The following UBTD2 variants were observed in gnomAD, a reference collection of about 807,000 sequenced individuals.
UBTD2 encodes ubiquitin domain containing 2, also known as ubiquitin domain-containing protein 2.
Under a neutral mutation model 19.8 loss-of-function variants are expected in UBTD2, and 9 were observed. That is an observed-to-expected ratio of 0.46 (90% CI 0.27 to 0.79). The LOEUF is 0.79. UBTD2 is among the 30% of genes least tolerant of loss of function. The pLI is 0.14. For synonymous variants in UBTD2, 98 were observed against 103.9 expected (o/e 0.94, Z 0.35); for missense variants, 250 against 300.4 (o/e 0.83, Z 1.24).
At chr5:172,258,664 T>C (rs1434682395) in intron 1 of UBTD2, among the ~76,000 whole-genome samples, 4 of 152,198 alleles carry the variant, frequency 2.6e-5, no homozygotes, top group Admixed American at 6.5e-5. Flanking sequence ...GTTGTAGAGA[T>C]CTTTCACTTC....
chr5:172,279,093 T>C (rs1351372456), intron 1 of UBTD2, among the ~76,000 whole-genome samples: 1 of 152,116 alleles, frequency 6.6e-6, no homozygotes. Context: ...TGTCACAATT[T>C]AAAAAAAGTA....
intron 1 of UBTD2, among the ~76,000 whole-genome samples, chr5:172,275,470 T>C (rs967376764): frequency 3.9e-5 from 6 of 152,162 alleles, no homozygotes; most frequent in African/African-American, 1.4e-4. Flanking sequence ...CAGATTAGTT[T>C]CACAAGCAGA....
At position 172,244,295 on chromosome 5, in the gene UBTD2, G is replaced by GTTTGTTTTT. The variant is rs1214308760; in HGVS notation, c.71-9938_71-9937insAAAAACAAA. 4.8e-3 allele frequency among the ~76,000 whole-genome samples: 599 copies of GTTTGTTTTT among 125,970 alleles called. 26 individuals carry two copies. The highest frequency in any genetic ancestry group is 0.014 in the Admixed American group (164 of 11,858). 82.6% of individuals were successfully genotyped at this position (125,970 alleles called of 152,430 possible). A position where few individuals can be genotyped will look rare whatever the true frequency, so the allele number is the denominator to read the frequency against. On this transcript the variant is annotated intron_variant, in intron 1 of 2. Coordinates refer to ENST00000393792, the MANE Select transcript of UBTD2 (RefSeq NM_152277.3). ...CAAGACTGTTTCCCCTTTCCTCCCA[G>GTTTGTTTTT]TTTTTTTTTTTTTTTTTTGAGACAG...
chr5:172,266,974 G>GTTTT (rs1410064420), intron 1 of UBTD2, among the ~76,000 whole-genome samples: 1 of 148,528 alleles, frequency 6.7e-6, no homozygotes, highest in Non-Finnish European at 1.5e-5. Context: ...CCGCCCAGGA[G>GTTTT]TTTGAGACTG....
At chr5:172,279,894 G>C (rs1755674788) in intron 1 of UBTD2, among the ~76,000 whole-genome samples, 1 of 152,150 alleles carries the variant, frequency 6.6e-6, no homozygotes, top group Admixed American at 6.5e-5. Context: ...GTGAAGTCAG[G>C]AGTTCAAGAC....
intron 1 of UBTD2, among the ~76,000 whole-genome samples, chr5:172,234,887 G>A (rs1158973642): frequency 1.4e-5 from 1 of 70,206 alleles, no homozygotes; most frequent in Non-Finnish European, 2.9e-5. Flanking sequence ...CAGCCTGGGC[G>A]AGAGTGAAAC....
chr5:172,227,825 C>T (rs932486134), intron 2 of UBTD2, among the ~76,000 whole-genome samples: 4 of 149,762 alleles, frequency 2.7e-5, no homozygotes, highest in African/African-American at 9.8e-5. Flanking sequence ...GGATTACAGG[C>T]ACCCGCCACC....
chr5:172,228,710 G>T (rs1037139505), intron 2 of UBTD2, among the ~76,000 whole-genome samples: 1 of 151,806 alleles, frequency 6.6e-6, no homozygotes, highest in Admixed American at 6.6e-5. Flanking sequence ...GACAGAGCTA[G>T]ACTCCGTCTC....
chr5:172,257,105 C>T (rs529165824), intron 1 of UBTD2, among the ~76,000 whole-genome samples: 79 of 152,206 alleles, frequency 5.2e-4, no homozygotes, highest in African/African-American at 1.8e-3. Flanking sequence ...AAGCACAGTA[C>T]CCAGTAAGTA....
chr5:172,270,924 A>T (rs115845428), intron 1 of UBTD2, among the ~76,000 whole-genome samples: 5,888 of 152,268 alleles, frequency 0.039, 169 homozygotes, highest in Middle Eastern at 0.065. Flanking sequence ...TATCACCTAT[A>T]ATATAGTCTC....
intron 2 of UBTD2, among the ~76,000 whole-genome samples, chr5:172,227,446 T>G (rs1771792423): frequency 6.6e-6 from 1 of 152,160 alleles, no homozygotes; most frequent in Non-Finnish European, 1.5e-5. Context: ...CCTACAACAG[T>G]CCAGCAAAAA....
intron 1 of UBTD2, among the ~76,000 whole-genome samples, chr5:172,280,209 G>A (rs904133831): frequency 1.5e-5 from 2 of 136,628 alleles, no homozygotes; most frequent in Admixed American, 7.6e-5. Flanking sequence ...ATTAAAAGTA[G>A]GCATTAAAAA....
chr5:172,225,009 G>T (rs773966250), intron 2 of UBTD2, among the ~76,000 whole-genome samples: 49 of 152,078 alleles, frequency 3.2e-4, no homozygotes, highest in Admixed American at 1.2e-3. Context: ...AGTTCATTTA[G>T]CAATTACTAG....
chr5:172,273,834 C>T (rs1173386774), intron 1 of UBTD2, among the ~76,000 whole-genome samples: 1 of 152,116 alleles, frequency 6.6e-6, no homozygotes. Context: ...ATATTAGGTT[C>T]TCATACCTGC....
intron 2 of UBTD2, among the ~76,000 whole-genome samples, chr5:172,221,368 G>C (rs1771646519): frequency 6.6e-6 from 1 of 152,088 alleles, no homozygotes; most frequent in Non-Finnish European, 1.5e-5. Flanking sequence ...AGCCAGGCAT[G>C]GTGGTGCCTG....
intron 2 of UBTD2, among the ~76,000 whole-genome samples, chr5:172,228,300 T>A (rs978284896): frequency 3.3e-5 from 5 of 152,204 alleles, no homozygotes; most frequent in African/African-American, 1.2e-4. Context: ...AGACTTGAGT[T>A]CAAATCCCAA....
intron 1 of UBTD2, 22 bp from the exon 2 acceptor site, chr5:172,234,380 T>G: frequency 1.9e-6 from 3 of 1,604,206 alleles, no homozygotes; most frequent in South Asian, 1.1e-5. Flanking sequence ...AATAAAAGAC[T>G]GAGATCAAAC....
chr5:172,228,849 T>C (rs999377268), intron 2 of UBTD2, among the ~76,000 whole-genome samples: 1 of 152,196 alleles, frequency 6.6e-6, no homozygotes, highest in African/African-American at 2.4e-5. Flanking sequence ...TTTATACTAT[T>C]TGTAAGTGCC....
chr5:172,240,145 A>G (rs1350736304), intron 1 of UBTD2, among the ~76,000 whole-genome samples: 1 of 152,236 alleles, frequency 6.6e-6, no homozygotes, highest in Non-Finnish European at 1.5e-5. Flanking sequence ...GAGAAGCAGC[A>G]GCTCCCTAGC....
Sources: gnomAD v4.1 joint callset for allele counts (sites outside exome capture counted in the v4.1 genomes callset) on GRCh38, gnomAD v4.1.1 for gene constraint, MANE v1.5 for transcripts, NCBI Gene and HGNC (gene_info 2026-07-23, HGNC 2026-07-21) for gene names.